The following UBTD2 variants were observed in gnomAD, a reference collection of about 807,000 sequenced individuals.
UBTD2 encodes the protein ubiquitin domain-containing protein 2.
Under a neutral mutation model 19.8 loss-of-function variants are expected in UBTD2, and 9 were observed. The ratio of observed to expected loss-of-function variants is 0.46; its 90% CI spans 0.27 to 0.79. The LOEUF is 0.79. Among genes scored for constraint, UBTD2 ranks in the 30% least tolerant of loss-of-function variants. UBTD2 has a pLI of 0.14. For missense variants in UBTD2, 250 were observed against 300.4 expected (o/e 0.83, Z 1.24); for synonymous variants, 98 against 103.9 (o/e 0.94, Z 0.35).
intron 1 of UBTD2, among the ~76,000 whole-genome samples, chr5:172,234,895 AACCTCATCTC>A (rs1771976779): frequency 1.4e-5 from 1 of 70,230 alleles, no homozygotes; most frequent in Non-Finnish European, 2.9e-5. Context: ...GCGAGAGTGA[AACCTCATCTC>A]AAACAAAACA....
intron 1 of UBTD2, among the ~76,000 whole-genome samples, chr5:172,252,106 T>C (rs906039501): frequency 1.3e-5 from 2 of 152,184 alleles, no homozygotes; most frequent in African/African-American, 4.8e-5. Context: ...ATAACAGGGA[T>C]TCAAACCAAC....
chr5:172,223,376 G>A (rs1457924075), intron 2 of UBTD2, among the ~76,000 whole-genome samples: 1 of 151,826 alleles, frequency 6.6e-6, no homozygotes, highest in Non-Finnish European at 1.5e-5. Context: ...AGGCTGAGGT[G>A]GGCAGATCAC....
At chr5:172,234,019 T>C in intron 2 of UBTD2, 103 bp downstream of exon 2, 1 of 1,225,580 alleles carries the variant, frequency 8.2e-7, no homozygotes, top group Non-Finnish European at 1.2e-6. Flanking sequence ...AAAAAAAAGT[T>C]AGAATAATTC....
chr5:172,259,980 G>A (rs989407239), intron 1 of UBTD2, among the ~76,000 whole-genome samples: 2 of 152,066 alleles, frequency 1.3e-5, no homozygotes, highest in African/African-American at 4.8e-5. Flanking sequence ...TTGAACCCAG[G>A]AGGCAGAGGT....
intron 1 of UBTD2, among the ~76,000 whole-genome samples, chr5:172,270,938 A>G (rs1755476775): frequency 6.6e-6 from 1 of 152,176 alleles, no homozygotes; most frequent in Non-Finnish European, 1.5e-5. Flanking sequence ...TAGTCTCACA[A>G]CTTGGTCTAC....
intron 2 of UBTD2, 21 bp from the exon 3 acceptor site, chr5:172,212,248 A>C: frequency 1.3e-6 from 2 of 1,563,126 alleles, no homozygotes; most frequent in Non-Finnish European, 1.7e-6. Context: ...AGAAGATATG[A>C]ATAAGAACTT....
chr5:172,244,445 C>T (rs572484747), intron 1 of UBTD2, among the ~76,000 whole-genome samples: 1 of 151,140 alleles, frequency 6.6e-6, no homozygotes, highest in African/African-American at 2.4e-5. Flanking sequence ...TACAGGCATG[C>T]GCCACCACGC....
At chr5:172,247,896 T>C (rs971646524) in intron 1 of UBTD2, among the ~76,000 whole-genome samples, 1 of 152,124 alleles carries the variant, frequency 6.6e-6, no homozygotes, top group Non-Finnish European at 1.5e-5. Context: ...TAAAAACACA[T>C]AGAAATTCTC....
At chr5:172,232,393 T>C (rs1029604599) in intron 2 of UBTD2, among the ~76,000 whole-genome samples, 2 of 151,290 alleles carry the variant, frequency 1.3e-5, no homozygotes, top group African/African-American at 2.4e-5. Flanking sequence ...ATCACTTTTA[T>C]ACATGTATAG....
At chr5:172,248,129 C>T (rs1281544391) in intron 1 of UBTD2, among the ~76,000 whole-genome samples, 1 of 151,978 alleles carries the variant, frequency 6.6e-6, no homozygotes, top group East Asian at 1.9e-4. Flanking sequence ...GAAGTGAACA[C>T]AAAACATACA....
At chr5:172,236,889 G>A (rs908038242) in intron 1 of UBTD2, among the ~76,000 whole-genome samples, 8 of 152,114 alleles carry the variant, frequency 5.3e-5, no homozygotes, top group Admixed American at 3.3e-4. Flanking sequence ...TTTGAAAAGA[G>A]GAAGCCAACA....
chr5:172,244,295 G>GTTTTTTTTTT (rs1191361417), intron 1 of UBTD2, among the ~76,000 whole-genome samples: 5 of 126,076 alleles, frequency 4.0e-5, no homozygotes, highest in Admixed American at 1.7e-4. Flanking sequence ...TTTCCTCCCA[G>GTTTTTTTTTT]TTTTTTTTTT....
intron 2 of UBTD2, among the ~76,000 whole-genome samples, chr5:172,220,631 C>CA (rs201928265): frequency 1.4e-3 from 207 of 149,350 alleles, no homozygotes; most frequent in African/African-American, 4.0e-3. Context: ...CTTTAAAAAA[C>CA]AAAAAAACCA....
At chr5:172,223,304 T>C (rs774019037) in intron 2 of UBTD2, among the ~76,000 whole-genome samples, 1 of 151,918 alleles carries the variant, frequency 6.6e-6, no homozygotes, top group Non-Finnish European at 1.5e-5. Flanking sequence ...TAAGATTTAA[T>C]ATAAAAAAGC....
intron 2 of UBTD2, among the ~76,000 whole-genome samples, chr5:172,225,752 C>T (rs1316900793): frequency 2.0e-5 from 3 of 151,978 alleles, no homozygotes; most frequent in Admixed American, 2.0e-4. Context: ...ATAAAGTTGA[C>T]AAACTTAATA....
At chr5:172,279,330 C>G (rs1488216399) in intron 1 of UBTD2, among the ~76,000 whole-genome samples, 1 of 152,170 alleles carries the variant, frequency 6.6e-6, no homozygotes, top group Middle Eastern at 3.2e-3. Context: ...TACTATCCAC[C>G]TCATAAGGTT....
Position 172,231,165 on chromosome 5 carries a change from C to T in UBTD2, c.307+2957G>A, listed in dbSNP as rs114705787. Reference sequence around the variant, plus strand: ...ACCACTAAGCCAGTCTAGGTAAAAGCATACAATAGCCTAGTTATAAACTGA... The same window carrying T: ...ACCACTAAGCCAGTCTAGGTAAAAGTATACAATAGCCTAGTTATAAACTGA... On this transcript the variant is annotated intron_variant, in intron 2 of 2. Coordinates refer to ENST00000393792, the MANE Select transcript of UBTD2 (RefSeq NM_152277.3). Among the ~76,000 whole-genome samples the T allele has an allele frequency of 4.9e-4, 75 of 152,286 alleles. 1 individual carries two copies. Among genetic ancestry groups the T allele is most frequent in the African/African-American group, 1.8e-3 (74 of 41,558 alleles).
At chr5:172,212,770 T>G (rs921069412) in intron 2 of UBTD2, among the ~76,000 whole-genome samples, 2 of 151,692 alleles carry the variant, frequency 1.3e-5, no homozygotes, top group Non-Finnish European at 2.9e-5. Flanking sequence ...GTTCCAGAGA[T>G]TCTCCTGCCT....
chr5:172,283,783 G>T, upstream of UBTD2: 1 of 601,376 alleles, frequency 1.7e-6, no homozygotes, highest in South Asian at 7.2e-5. This position sits in a 1 kb window ranked among gnomAD's most constrained non-coding sequence, Gnocchi z 4.3. Flanking sequence ...CGCTCCGCTC[G>T]CCCGCCGCGG....
Sources: gnomAD v4.1 joint callset for allele counts (sites outside exome capture counted in the v4.1 genomes callset) on GRCh38, gnomAD v4.1.1 for gene constraint, Gnocchi (gnomAD v3.1) non-coding constraint, MANE v1.5 for transcripts, NCBI Gene and HGNC (gene_info 2026-07-23, HGNC 2026-07-21) for gene names.